STK33: variants seen among roughly 807,000 people sequenced by gnomAD.
STK33 encodes serine/threonine kinase 33, also known as serine/threonine-protein kinase 33.
A neutral mutation model predicts 58.0 loss-of-function variants in STK33; 52 were observed. The observed-to-expected ratio is 0.90, with a 90% CI of 0.72 to 1.13. STK33 has a LOEUF of 1.13. STK33 is among the 50% of genes most tolerant of loss of function. STK33 has a pLI of 0.00. For synonymous variants in STK33, 215 were observed against 200.1 expected, an observed-to-expected ratio of 1.07 and a Z score of -0.63; for missense variants, 630 against 604.2, an observed-to-expected ratio of 1.04 and a Z score of -0.45.
intron 1 of STK33, among the ~76,000 whole-genome samples, chr11:8,539,920 T>C (rs1376488424): frequency 6.6e-6 from 1 of 152,118 alleles, no homozygotes; most frequent in South Asian, 2.1e-4. Flanking sequence ...AAAGATTATA[T>C]GATCAATTTA....
At position 8,413,519 on chromosome 11, in the gene STK33, A is replaced by G; in HGVS notation, c.1320T>C (p.Thr440=). The change falls in exon 15 of 16, where the codon ACT becomes ACC. Residue 440 remains threonine (T), a synonymous_variant. Coordinates refer to ENST00000687296, the MANE Select transcript of STK33 (RefSeq NM_001352389.2). ...PWGNVPDANY[T]SDEEEEKQST... ...CCTGTTTTTCCTCCTCTTCATCTGA[A>G]GTGTAATTGGCATCAGGGACATTTC... The G allele has an allele frequency of 6.2e-7, 1 of 1,613,910 alleles. No individual in the cohort carries two copies. Among genetic ancestry groups the G allele is most frequent in the Non-Finnish European group, 8.5e-7 (1 of 1,179,858 alleles).
intron 1 of STK33, among the ~76,000 whole-genome samples, chr11:8,481,246 T>C (rs545675230): frequency 4.7e-4 from 72 of 152,240 alleles, no homozygotes; most frequent in Admixed American, 9.2e-4. Flanking sequence ...ACTTGACAAC[T>C]CCAAACAGTC....
the STK33 span, among the ~76,000 whole-genome samples, chr11:8,372,339 G>C: frequency 1.3e-5 from 2 of 152,104 alleles, no homozygotes; most frequent in Non-Finnish European, 2.9e-5. Flanking sequence ...AGTGATCCAC[G>C]GGGTCCTTAG....
intron 1 of STK33, among the ~76,000 whole-genome samples, chr11:8,544,314 A>ATATGTATATAT: frequency 6.9e-6 from 1 of 144,910 alleles, no homozygotes; most frequent in East Asian, 2.0e-4. Flanking sequence ...ATATATATAA[A>ATATGTATATAT]ATATGTATAT....
At chr11:8,527,181 G>A (rs765496282) in intron 1 of STK33, among the ~76,000 whole-genome samples, 6 of 151,824 alleles carry the variant, frequency 4.0e-5, no homozygotes, top group Non-Finnish European at 7.4e-5. Context: ...TCACCATCTT[G>A]GCCAGGCTGG....
chr11:8,357,719 G>GTCCC, the STK33 span, among the ~76,000 whole-genome samples: 1 of 152,080 alleles, frequency 6.6e-6, no homozygotes, highest in Non-Finnish European at 1.5e-5. Context: ...GAGGCCCACA[G>GTCCC]TCCCCCTCCA....
At chr11:8,511,603 T>C (rs1952330766) in intron 1 of STK33, among the ~76,000 whole-genome samples, 1 of 152,214 alleles carries the variant, frequency 6.6e-6, no homozygotes. Context: ...AATATGATGG[T>C]GGCTGTGGTT....
chr11:8,372,403 G>A, the STK33 span, among the ~76,000 whole-genome samples: 5 of 152,196 alleles, frequency 3.3e-5, no homozygotes, highest in Admixed American at 2.0e-4. Flanking sequence ...AGGGGTGGGT[G>A]GGAGAGGGGG....
At chr11:8,384,905 C>G in the STK33 span, among the ~76,000 whole-genome samples, 1 of 152,152 alleles carries the variant, frequency 6.6e-6, no homozygotes, top group Admixed American at 6.5e-5. Flanking sequence ...TTAGTCTTGT[C>G]TCTTATTTTT....
At chr11:8,369,132 T>C in the STK33 span, among the ~76,000 whole-genome samples, 1 of 152,168 alleles carries the variant, frequency 6.6e-6, no homozygotes. Context: ...GTATTTATAA[T>C]ATGACATTTA....
Position 8,436,051 on chromosome 11 carries a change from C to T in STK33, c.1036G>A (p.Val346Ile), listed in dbSNP as rs2136271760. ...CCACAGTCACTTATGGAATTCCAGA[C>T]TGCATTTTCAAAATGTAGTTCTCCT... ...RKGELHFENA[V>I]WNSISDCAKS... Residue 346 changes from valine (V) to isoleucine (I), a missense_variant, in exon 13 of 16, where the codon GTC becomes ATC. Val to Ile is a conservative substitution (Grantham distance 29, BLOSUM62 3). Coordinates refer to ENST00000687296, the MANE Select transcript of STK33 (RefSeq NM_001352389.2). The T allele has an allele frequency of 6.3e-7, 1 of 1,587,280 alleles. No individual in the cohort carries two copies. The highest frequency in any genetic ancestry group is 2.3e-5 in the East Asian group (1 of 44,360).
At chr11:8,546,263 A>T (rs1250466971) in intron 1 of STK33, among the ~76,000 whole-genome samples, 1 of 152,188 alleles carries the variant, frequency 6.6e-6, no homozygotes, top group Non-Finnish European at 1.5e-5. Flanking sequence ...ATTTATTTTT[A>T]AAACTTTTTC....
chr11:8,468,493 T>C (rs1948447460), intron 6 of STK33, among the ~76,000 whole-genome samples: 1 of 152,222 alleles, frequency 6.6e-6, no homozygotes, highest in South Asian at 2.1e-4. Flanking sequence ...CATGAAGGGC[T>C]TCCTTGTTTA....
chr11:8,353,024 T>C, the STK33 span, among the ~76,000 whole-genome samples: 2 of 152,208 alleles, frequency 1.3e-5, no homozygotes, highest in African/African-American at 2.4e-5. Context: ...GACGGGAACA[T>C]GGACCAGCGG....
chr11:8,399,978 T>C (rs1040282352), intron 15 of STK33, among the ~76,000 whole-genome samples: 3 of 152,166 alleles, frequency 2.0e-5, no homozygotes, highest in Admixed American at 6.5e-5. Context: ...CAATAATTAA[T>C]AGCTTACCAA....
At chr11:8,424,515 T>G (rs1346306063) in intron 14 of STK33, among the ~76,000 whole-genome samples, 12 of 152,010 alleles carry the variant, frequency 7.9e-5, no homozygotes, top group Middle Eastern at 3.4e-3. Flanking sequence ...GTAATGGGAT[T>G]GCTGGGTCAA....
intron 7 of STK33, among the ~76,000 whole-genome samples, chr11:8,462,599 GAGAC>G (rs1947696231): frequency 6.6e-6 from 1 of 151,868 alleles, no homozygotes. Flanking sequence ...GAAAGAGAGA[GAGAC>G]AGACAGACAA....
At chr11:8,451,513 T>C (rs1369757106) in intron 11 of STK33, among the ~76,000 whole-genome samples, 3 of 152,066 alleles carry the variant, frequency 2.0e-5, no homozygotes, top group Non-Finnish European at 2.9e-5. Context: ...ATTCCATTTA[T>C]ATGAAATGTG....
Position 8,452,995 on chromosome 11 carries a change from T to C in STK33, c.787-89A>G, listed in dbSNP as rs1475663807. ...ATAAGACTTCACATTGAATTTGCAT[T>C]GAATTCTGGGGTTCTTGGGGGTGGG... On this transcript the variant is annotated intron_variant, in intron 10 of 15. Coordinates refer to ENST00000687296, the MANE Select transcript of STK33 (RefSeq NM_001352389.2). 4.1e-6 allele frequency: 5 copies of C among 1,213,510 alleles called. No homozygotes were observed. The African/African-American group carries it at 4.5e-5, about 11-fold the overall frequency. The allele number at this position is 1,213,510 out of a possible 1,614,324, so 75.2% of individuals were successfully genotyped here. A position where few individuals can be genotyped will look rare whatever the true frequency, so the allele number is the denominator to read the frequency against.
Sources: allele counts gnomAD v4.1 joint callset (sites outside exome capture counted in the v4.1 genomes callset), GRCh38; gene constraint gnomAD v4.1.1; transcripts MANE v1.5; gene names NCBI Gene and HGNC (gene_info 2026-07-23, HGNC 2026-07-21).